DLG5: variants seen among roughly 807,000 people sequenced by gnomAD.
The protein encoded by DLG5 is disks large homolog 5.
A neutral mutation model predicts 189.8 loss-of-function variants in DLG5; 48 were observed. The ratio of observed to expected loss-of-function variants is 0.25; its 90% confidence interval spans 0.20 to 0.32. The LOEUF (loss-of-function observed/expected upper bound fraction) is 0.32, where lower values mean the gene tolerates loss of function less well. DLG5 is among the 10% of genes least tolerant of loss of function. The pLI is 1.00. For missense variants in DLG5, 2,160 were observed against 2,544.7 expected (o/e 0.85, Z 3.25); for synonymous variants, 1,016 against 1,054.1 (o/e 0.96, Z 0.70).
At chr10:77,910,447 G>A (rs1357393851) in intron 1 of DLG5, among the ~76,000 whole-genome samples, 1 of 152,200 alleles carries the variant, frequency 6.6e-6, no homozygotes, top group East Asian at 1.9e-4. Context: ...CTGGGATGCT[G>A]TGTCACTTGC....
At chr10:77,911,268 C>T (rs1448831339) in intron 1 of DLG5, among the ~76,000 whole-genome samples, 1 of 152,080 alleles carries the variant, frequency 6.6e-6, no homozygotes, top group Non-Finnish European at 1.5e-5. Context: ...ACTGGGACCA[C>T]AGGCATGCGC....
In DLG5 at chr10:77,791,331, G is replaced by A. The variant is rs1840634099; in HGVS notation, c.*1109C>T. The stretch of plus-strand genomic sequence containing the variant: ...TCAAATCTTCAGCCAGACATATCTA[G>A]CCTCAGAAGTGCAAAAAAAAAAAAA... On this transcript the variant is annotated 3_prime_UTR_variant, in exon 32 of 32. Transcript: ENST00000372391. 6.7e-6 allele frequency: 1 copy of A among 149,858 alleles called. No individual in the cohort carries two copies. Among genetic ancestry groups the A allele is most frequent in the African/African-American group, 2.5e-5 (1 of 40,396 alleles). 9.3% of individuals were successfully genotyped at this position (149,858 alleles called of 1,614,324 possible). A position where few individuals can be genotyped will look rare whatever the true frequency, so the allele number is the denominator to read the frequency against.
chr10:77,849,865 TA>T (rs1454219437), intron 5 of DLG5, among the ~76,000 whole-genome samples: 1 of 152,192 alleles, frequency 6.6e-6, no homozygotes, highest in Non-Finnish European at 1.5e-5. Context: ...TCTAAAAAAA[TA>T]ATATTTTCAA....
chr10:77,905,249 C>T (rs778431136), intron 1 of DLG5, among the ~76,000 whole-genome samples: 9 of 152,146 alleles, frequency 5.9e-5, no homozygotes, highest in Non-Finnish European at 8.8e-5. Flanking sequence ...GATCCTCCCA[C>T]CTCGGCCTCC....
chr10:77,876,037 G>A lies in DLG5; in HGVS notation c.305-6840C>T, dbSNP rs77146177. ...GTCATCAAGGAAGTCCTGCTGATGC[G>A]CCTTATATGCCACCCGAGGGTGGGA... On this transcript the variant is annotated intron_variant, in intron 1 of 31. Coordinates refer to ENST00000372391, the MANE Select transcript of DLG5 (RefSeq NM_004747.4). 8.0e-4 allele frequency among the ~76,000 whole-genome samples: 122 copies of A among 152,102 alleles called. 1 individual carries two copies. Among genetic ancestry groups the A allele is most frequent in the African/African-American group, 2.7e-3 (112 of 41,516 alleles).
rs746072033 is a variant in DLG5 at position 77,809,571 on chromosome 10, G to A, written c.4623C>T (p.Leu1541=). Residue 1541 remains leucine, a synonymous_variant, in exon 24 of 32, where the codon CTC becomes CTT. Coordinates refer to ENST00000372391, the MANE Select transcript of DLG5 (RefSeq NM_004747.4). ...DDSPAKGPDG[L]VPGDLILEYG... ...CCTCCAGGATGAGGTCCCCTGGCAC[G>A]AGGCCGTCAGGACCCTTGGCAGGAC... is the stretch of plus-strand genomic sequence containing the variant. 4 of 1,613,834 alleles carry A rather than the reference G, an allele frequency of 2.5e-6. No individual in the cohort carries two copies. Among genetic ancestry groups the A allele is most frequent in the South Asian group, 2.2e-5 (2 of 91,016 alleles).
intron 9 of DLG5, among the ~76,000 whole-genome samples, chr10:77,831,539 A>AACTCTC (rs1305342822): frequency 6.6e-6 from 1 of 152,226 alleles, no homozygotes; most frequent in Non-Finnish European, 1.5e-5. Flanking sequence ...AGTGGGAGGA[A>AACTCTC]ACTCTCTACC....
chr10:77,911,900 A>G (rs1268715289), intron 1 of DLG5, among the ~76,000 whole-genome samples: 1 of 133,894 alleles, frequency 7.5e-6, no homozygotes, highest in Non-Finnish European at 1.7e-5. Flanking sequence ...ACATTTTCTT[A>G]AAAAAAAAAA....
intron 1 of DLG5, among the ~76,000 whole-genome samples, chr10:77,903,729 A>G (rs1290416803): frequency 1.3e-5 from 2 of 152,114 alleles, no homozygotes; most frequent in African/African-American, 2.4e-5. Flanking sequence ...CATCCCCAGG[A>G]TATCTCATTA....
rs761543417 is a variant in DLG5 at position 77,793,997 on chromosome 10, C to G, written c.5656+11G>C. The stretch of plus-strand genomic sequence containing the variant: ...CTGCCTGCTCCCCACTCCAGGCCCA[C>G]GCACACCTACCTGTGAAGTACCTGC... On this transcript the variant is annotated intron_variant, in intron 31 of 31. Transcript: ENST00000372391. The G allele has an allele frequency of 3.7e-6, 6 of 1,611,892 alleles. No homozygotes were observed. The Admixed American group carries it at 6.7e-5, about 18-fold the overall frequency.
chr10:77,817,974 G>A, intron 17 of DLG5, 85 bp from the exon 18 acceptor site: 1 of 1,178,086 alleles, frequency 8.5e-7, no homozygotes, highest in Non-Finnish European at 1.2e-6. Flanking sequence ...GACCAGGCAA[G>A]GGTTCCCAAG....
chr10:77,836,151 T>C (rs557658535), intron 7 of DLG5, among the ~76,000 whole-genome samples: 21 of 152,266 alleles, frequency 1.4e-4, no homozygotes, highest in Middle Eastern at 3.4e-3. Context: ...TAATCTGGCA[T>C]ACTGAGTTAT....
chr10:77,932,887 G>A, the DLG5 span, among the ~76,000 whole-genome samples: 1 of 151,832 alleles, frequency 6.6e-6, no homozygotes, highest in African/African-American at 2.4e-5. Context: ...AGGATTACTT[G>A]AACCCAAGTT....
Position 77,821,323 on chromosome 10 carries a change from T to C in DLG5, c.3161A>G (p.Asp1054Gly), listed in dbSNP as rs750840166. 52 of 1,613,194 alleles carry C rather than the reference T, an allele frequency of 3.2e-5. No homozygotes were observed. The highest frequency in any genetic ancestry group is 4.4e-5 in the Non-Finnish European group (52 of 1,180,014). Residue 1054 changes from aspartate to glycine, a missense_variant, in exon 15 of 32, where the codon GAC becomes GGC. Physicochemically the swap from Asp to Gly is moderately conservative, Grantham distance 94. Transcript: ENST00000372391. ...STSPPSALPPDVDPGEPMHAS... is the reference protein window; with the variant it reads ...STSPPSALPPGVDPGEPMHAS... The stretch of plus-strand genomic sequence containing the variant: ...GTGCATGGGCTCCCCGGGGTCCACG[T>C]CAGGGGGCAGGGCGCTCGGGGGACT...
Position 77,906,771 on chromosome 10 carries a change from C to G in DLG5, c.304+19446G>C, listed in dbSNP as rs141075753. On this transcript the variant is annotated intron_variant, in intron 1 of 31. Transcript: ENST00000372391. Reference sequence around the variant, plus strand: ...TCCCGAGCAGCTGGAAGTACAGGCACGTACCACCATGCCCAGCTAATTTTT... The same window carrying G: ...TCCCGAGCAGCTGGAAGTACAGGCAGGTACCACCATGCCCAGCTAATTTTT... Among the ~76,000 whole-genome samples, 35 of 152,062 alleles carry G rather than the reference C, an allele frequency of 2.3e-4. No homozygotes were observed. The South Asian group carries it at 4.4e-3, about 19-fold the overall frequency.
At chr10:77,852,329 C>T (rs562813394) in intron 5 of DLG5, among the ~76,000 whole-genome samples, 1 of 152,056 alleles carries the variant, frequency 6.6e-6, no homozygotes, top group African/African-American at 2.4e-5. Flanking sequence ...CAAAATCACA[C>T]TACTGCACTC....
chr10:77,806,718 A>AGGCC, intron 26 of DLG5, 40 bp downstream of exon 26: 715 of 1,332,958 alleles, frequency 5.4e-4, no homozygotes, highest in Non-Finnish European at 7.2e-4. Flanking sequence ...GCCCTCGGCG[A>AGGCC]CCCCTGCCCC....
intron 2 of DLG5, among the ~76,000 whole-genome samples, chr10:77,859,269 AAC>A (rs1372453818): frequency 6.6e-6 from 1 of 152,252 alleles, no homozygotes; most frequent in African/African-American, 2.4e-5. Context: ...TACAGTAAGC[AAC>A]AGTTTACTAT....
At chr10:77,933,935 C>CAT in the DLG5 span, among the ~76,000 whole-genome samples, 3 of 151,642 alleles carry the variant, frequency 2.0e-5, no homozygotes, top group African/African-American at 2.4e-5. Flanking sequence ...GTAATCCCAG[C>CAT]TACTTGGGAG....
Sources: allele counts gnomAD v4.1 joint callset (sites outside exome capture counted in the v4.1 genomes callset), GRCh38; gene constraint gnomAD v4.1.1; transcripts MANE v1.5; gene names NCBI Gene and HGNC (gene_info 2026-07-23, HGNC 2026-07-21).